ATP7B: variants seen among roughly 807,000 people sequenced by gnomAD.
ATP7B encodes the protein copper-transporting ATPase 2.
Under a neutral mutation model 118.9 loss-of-function variants are expected in ATP7B, and 113 were observed. That is an observed-to-expected ratio of 0.95 (90% CI 0.82 to 1.11). The LOEUF (loss-of-function observed/expected upper bound fraction) is 1.11. ATP7B is among the 50% of genes most tolerant of loss of function. The probability of loss-of-function intolerance (pLI) is 0.00; values close to 1 mark genes in which losing one functional copy is unlikely to be tolerated. For missense variants in ATP7B, 1,867 were observed against 1,871.4 expected, an observed-to-expected ratio of 1.00 and a Z score of 0.04; for synonymous variants, 777 against 727.4, an observed-to-expected ratio of 1.07 and a Z score of -1.10.
At chr13:51,982,744 G>A (rs901741676) in intron 1 of ATP7B, among the ~76,000 whole-genome samples, 5 of 152,294 alleles carry the variant, frequency 3.3e-5, no homozygotes, top group South Asian at 4.1e-4. Context: ...GTTAAACAGC[G>A]GGTACAGCCC....
intron 19 of ATP7B, among the ~76,000 whole-genome samples, chr13:51,936,926 T>C (rs1057022941): frequency 6.6e-5 from 10 of 152,214 alleles, no homozygotes; most frequent in African/African-American, 2.4e-4. Context: ...TAATTGTGCC[T>C]AGCATGTAGC....
chr13:51,984,897 A>T (rs545624438), intron 1 of ATP7B, among the ~76,000 whole-genome samples: 1 of 152,370 alleles, frequency 6.6e-6, no homozygotes, highest in East Asian at 1.9e-4. Flanking sequence ...GGCCTGCCTT[A>T]CAAGAGTTCC....
chr13:51,980,237 C>T (rs1952349618), intron 1 of ATP7B, among the ~76,000 whole-genome samples: 1 of 152,176 alleles, frequency 6.6e-6, no homozygotes. Flanking sequence ...ATCTAATTCC[C>T]ACTAGATTCT....
In ATP7B at chr13:51,932,977, G is replaced by C. The variant is rs187959146; in HGVS notation, c.*1779C>G. ...GAAATGTGCTGCGGGCTGGAGTGGG[G>C]GGGCTGAAAACAAGGAAAACACAAT... On this transcript the variant is annotated 3_prime_UTR_variant, in exon 21 of 21. Coordinates refer to ENST00000242839, the MANE Select transcript of ATP7B (RefSeq NM_000053.4). The C allele has an allele frequency of 2.4e-4, 37 of 152,240 alleles. No individual in the cohort carries two copies. Among genetic ancestry groups the C allele is most frequent in the African/African-American group, 8.4e-4 (35 of 41,538 alleles). 9.4% of individuals were successfully genotyped at this position (152,240 alleles called of 1,614,324 possible). A position where few individuals can be genotyped will look rare whatever the true frequency, so the allele number is the denominator to read the frequency against.
upstream of ATP7B, chr13:52,011,999 C>T (rs1389394614): frequency 2.7e-5 from 9 of 337,256 alleles, no homozygotes; most frequent in South Asian, 2.2e-4. Context: ...GAAGCAACCG[C>T]GGCAAGAGTG....
chr13:51,972,828 C>A (rs566000964), intron 2 of ATP7B, among the ~76,000 whole-genome samples: 15 of 151,940 alleles, frequency 9.9e-5, no homozygotes, highest in Admixed American at 5.9e-4. Flanking sequence ...AGCAACACTC[C>A]GTCTCTACAA....
chr13:51,941,088 A>T lies in ATP7B; in HGVS notation c.3549T>A (p.Ala1183=). Residue 1183 remains alanine, a synonymous_variant, in exon 16 of 21, where the codon GCT becomes GCA. Transcript: ENST00000242839. The stretch of plus-strand genomic sequence containing the variant: ...GGCAGAAGCAGAAGATACCGTCAAT[A>T]GCCACCAGGATGGCTGTCTGTCCTT... The part of the protein sequence containing the change: ...EMKGQTAILV[A]IDGVLCGMIA... 6.2e-7 allele frequency: 1 copy of T among 1,614,244 alleles called. No homozygotes were observed. Among genetic ancestry groups the T allele is most frequent in the Non-Finnish European group, 8.5e-7 (1 of 1,180,046 alleles).
In ATP7B at chr13:51,937,268, C is replaced by T. The variant is rs1433140072; in HGVS notation, c.4021+8G>A. 2 of 1,612,322 alleles carry T rather than the reference C, an allele frequency of 1.2e-6. No homozygotes were observed. Among genetic ancestry groups the T allele is most frequent in the Non-Finnish European group, 1.7e-6 (2 of 1,178,442 alleles). On this transcript the variant is annotated splice_region_variant and intron_variant, in intron 19 of 20. Coordinates refer to ENST00000242839, the MANE Select transcript of ATP7B (RefSeq NM_000053.4). ...GCAGCTGGAGCACAGTGGGTAAGAG[C>T]TGCCTACCTGCTGCAATGGGTATCC...
chr13:51,969,190 C>A (rs920069079), intron 3 of ATP7B, among the ~76,000 whole-genome samples: 3 of 151,710 alleles, frequency 2.0e-5, no homozygotes, highest in Admixed American at 6.6e-5. Flanking sequence ...CTGACAACCA[C>A]TATTCTAGAA....
chr13:51,990,948 C>T (rs1031566880), intron 1 of ATP7B, among the ~76,000 whole-genome samples: 3 of 152,124 alleles, frequency 2.0e-5, no homozygotes, highest in South Asian at 2.1e-4. Flanking sequence ...ATTAGTTGGG[C>T]GTGGTGGCAT....
intron 16 of ATP7B, among the ~76,000 whole-genome samples, chr13:51,940,422 G>C (rs915056723): frequency 1.3e-5 from 2 of 150,590 alleles, no homozygotes; most frequent in Non-Finnish European, 3.0e-5. Flanking sequence ...GGGAGGCCAA[G>C]GCAAGCAGAT....
At chr13:51,968,863 CTTT>C (rs201291586) in intron 3 of ATP7B, among the ~76,000 whole-genome samples, 7 of 128,642 alleles carry the variant, frequency 5.4e-5, no homozygotes, top group Non-Finnish European at 8.4e-5. Context: ...TTTCTTTTTT[CTTT>C]TTTTTTTTTT....
At position 51,949,715 on chromosome 13, in the gene ATP7B, C is replaced by T. The variant is rs1257878686; in HGVS notation, c.2812G>A (p.Val938Ile). 2.5e-6 allele frequency: 4 copies of T among 1,613,980 alleles called. No homozygotes were observed. Among genetic ancestry groups the T allele is most frequent in the Non-Finnish European group, 3.4e-6 (4 of 1,180,026 alleles). Residue 938 changes from valine to isoleucine, a missense_variant, in exon 12 of 21, where the codon GTA becomes ATA. By Grantham distance (29) the Val-to-Ile change is conservative. Transcript: ENST00000242839. ...TCGATAAAACCGATTACAATCCATA[C>T]CACCAACGTCAAAGTTGACATGATG... Reference protein sequence around the residue: ...IIIMSTLTLVVWIVIGFIDFG... With the variant: ...IIIMSTLTLVIWIVIGFIDFG...
rs1315300308 is a variant in ATP7B, at chr13:51,933,593, C to T, written c.*1163G>A. On this transcript the variant is annotated 3_prime_UTR_variant, in exon 21 of 21. Coordinates refer to ENST00000242839, the MANE Select transcript of ATP7B (RefSeq NM_000053.4). The stretch of plus-strand genomic sequence containing the variant: ...GCCACTGCCAGGTAAACAGATGCTC[C>T]CTTCGGGGTGCTGTGGCCACTCCTT... The T allele has an allele frequency of 6.6e-6, 1 of 152,196 alleles. No homozygotes were observed. The allele number at this position is 152,196 out of a possible 1,614,324, so 9.4% of individuals were successfully genotyped here. A position where few individuals can be genotyped will look rare whatever the true frequency, so the allele number is the denominator to read the frequency against.
rs1198600591 is a variant in ATP7B at position 51,944,199 on chromosome 13, C to T, written c.3153G>A (p.Leu1051=). ...RVLLLGDVAT[L]PLRKVLAVVG... ...CCACAGCCAGAACCTTCCTGAGGGG[C>T]AGTGTGGCCACATCCCCCAGCAGGA... The change falls in exon 14 of 21, where the codon CTG becomes CTA. Residue 1051 remains leucine (L), a synonymous_variant. Coordinates refer to ENST00000242839, the MANE Select transcript of ATP7B (RefSeq NM_000053.4). 2.5e-6 allele frequency: 4 copies of T among 1,614,168 alleles called. No individual in the cohort carries two copies. The highest frequency in any genetic ancestry group is 3.4e-6 in the Non-Finnish European group (4 of 1,180,026).
intron 9 of ATP7B, 63 bp from the exon 10 acceptor site, chr13:51,950,462 GC>G: frequency 6.2e-7 from 1 of 1,607,456 alleles, no homozygotes. Flanking sequence ...CAGGTTCTAG[GC>G]CAGCTGTTAC....
intron 17 of ATP7B, among the ~76,000 whole-genome samples, chr13:51,938,326 C>G (rs1383524918): frequency 1.3e-5 from 2 of 152,222 alleles, no homozygotes; most frequent in South Asian, 2.1e-4. Context: ...GGCAGACCCC[C>G]CTTCACTCCT....
intron 16 of ATP7B, among the ~76,000 whole-genome samples, chr13:51,939,763 G>A (rs1957210909): frequency 6.6e-6 from 1 of 152,156 alleles, no homozygotes; most frequent in South Asian, 2.1e-4. Flanking sequence ...TGCCAATTCT[G>A]GTTTGATAGC....
chr13:51,987,769 A>G (rs1415460192), intron 1 of ATP7B, among the ~76,000 whole-genome samples: 2 of 152,148 alleles, frequency 1.3e-5, no homozygotes, highest in African/African-American at 4.8e-5. Flanking sequence ...CACATCTACA[A>G]CCATCCGATC....
Sources: gnomAD v4.1 joint callset for allele counts (sites outside exome capture counted in the v4.1 genomes callset) on GRCh38, gnomAD v4.1.1 for gene constraint, MANE v1.5 for transcripts, NCBI Gene and HGNC (gene_info 2026-07-23, HGNC 2026-07-21) for gene names.